Variants in LRRTM4 observed in about 807,000 individuals in gnomAD.
LRRTM4 encodes leucine-rich repeat transmembrane neuronal protein 4.
A neutral mutation model predicts 47.6 loss-of-function variants in LRRTM4; 25 were observed. The ratio of observed to expected loss-of-function variants is 0.53; its 90% CI spans 0.38 to 0.73. The LOEUF (loss-of-function observed/expected upper bound fraction) is 0.73. Among genes scored for constraint, LRRTM4 ranks in the 30% least tolerant of loss-of-function variants. LRRTM4 has a pLI of 0.00. For missense variants in LRRTM4, 638 were observed against 713.4 expected (o/e 0.89, Z 1.20); for synonymous variants, 311 against 269.5 (o/e 1.15, Z -1.51).
chr2:77,204,689 A>C (rs187877352), intron 3 of LRRTM4, among the ~76,000 whole-genome samples: 79 of 152,320 alleles, frequency 5.2e-4, no homozygotes, highest in Non-Finnish European at 1.0e-3. Context: ...TTCATTGTTA[A>C]AAAGTTTGAT....
intron 3 of LRRTM4, among the ~76,000 whole-genome samples, chr2:77,475,872 A>G (rs979188828): frequency 3.3e-5 from 5 of 151,758 alleles, no homozygotes; most frequent in Admixed American, 6.6e-5. Flanking sequence ...TTTCCCTCAG[A>G]TTGCCTGTTT....
At chr2:77,507,622 A>G (rs1481319621) in intron 3 of LRRTM4, among the ~76,000 whole-genome samples, 1 of 152,094 alleles carries the variant, frequency 6.6e-6, no homozygotes, top group Admixed American at 6.6e-5. Flanking sequence ...TCTAAGTAAC[A>G]TTTCTCAGAA....
intron 3 of LRRTM4, among the ~76,000 whole-genome samples, chr2:76,797,727 C>A (rs1437637747): frequency 6.6e-6 from 1 of 151,134 alleles, no homozygotes; most frequent in Non-Finnish European, 1.5e-5. Context: ...ACCCATCTCA[C>A]GTGCAGAGAC....
chr2:76,955,238 A>C (rs1675631309), intron 3 of LRRTM4, among the ~76,000 whole-genome samples: 1 of 151,832 alleles, frequency 6.6e-6, no homozygotes, highest in Non-Finnish European at 1.5e-5. Context: ...AGTAGGAGTT[A>C]ACAAAAAAGT....
intron 3 of LRRTM4, among the ~76,000 whole-genome samples, chr2:77,240,888 A>C (rs1390098656): frequency 6.6e-6 from 1 of 152,010 alleles, no homozygotes; most frequent in Admixed American, 6.6e-5. Flanking sequence ...ATAAAAAACA[A>C]TAATGAAAAG....
chr2:77,179,501 C>T (rs1006919536), intron 3 of LRRTM4, among the ~76,000 whole-genome samples: 11 of 152,194 alleles, frequency 7.2e-5, no homozygotes, highest in African/African-American at 2.4e-4. Context: ...GACTGACAGG[C>T]ATTACATTGA....
intron 3 of LRRTM4, among the ~76,000 whole-genome samples, chr2:76,751,154 C>T (rs1231241283): frequency 6.6e-6 from 1 of 152,152 alleles, no homozygotes; most frequent in African/African-American, 2.4e-5. Context: ...ATTCAGATTA[C>T]AATTTATTTT....
intron 3 of LRRTM4, among the ~76,000 whole-genome samples, chr2:76,909,861 G>A (rs553557921): frequency 1.3e-5 from 2 of 152,286 alleles, no homozygotes; most frequent in Admixed American, 1.3e-4. Context: ...TGCTGGAGAG[G>A]ATGTGAAGAA....
intron 3 of LRRTM4, among the ~76,000 whole-genome samples, chr2:77,294,493 C>A (rs1355616203): frequency 1.3e-5 from 2 of 151,926 alleles, no homozygotes; most frequent in Non-Finnish European, 2.9e-5. Flanking sequence ...TGTGTTTGAC[C>A]AGATCTTGGA....
intron 3 of LRRTM4, among the ~76,000 whole-genome samples, chr2:77,154,489 A>G (rs999111991): frequency 3.9e-5 from 6 of 152,322 alleles, no homozygotes; most frequent in Middle Eastern, 3.4e-3. Context: ...AGGCATGGAC[A>G]TAGGAAAATG....
chr2:77,006,008 G>A lies in LRRTM4; in HGVS notation c.1552-257092C>T, dbSNP rs116624607. On this transcript the variant is annotated intron_variant, in intron 3 of 3. Coordinates refer to ENST00000409884, the MANE Select transcript of LRRTM4 (RefSeq NM_001134745.3). ...ATCACATAGCAAATAGAAGAGTCAG[G>A]ATTTAAACTCAAATCTGGGTAATCT... Among the ~76,000 whole-genome samples the A allele has an allele frequency of 8.3e-3, 1,265 of 152,230 alleles. 17 individuals carry two copies. Among genetic ancestry groups the A allele is most frequent in the Non-Finnish European group, 0.011 (732 of 68,016 alleles).
At chr2:77,237,161 T>G (rs562559735) in intron 3 of LRRTM4, among the ~76,000 whole-genome samples, 1 of 109,278 alleles carries the variant, frequency 9.2e-6, no homozygotes, top group South Asian at 3.6e-4. Flanking sequence ...TTCATCTTGT[T>G]GGGGGATTTT....
intron 3 of LRRTM4, among the ~76,000 whole-genome samples, chr2:77,275,372 CATAA>C (rs145232897): frequency 0.18 from 26,618 of 151,942 alleles, 2,590 homozygotes; most frequent in East Asian, 0.47. Flanking sequence ...ATTAGTGCTA[CATAA>C]ATACTTACTG....
chr2:76,763,207 C>A (rs1480326577), intron 3 of LRRTM4, among the ~76,000 whole-genome samples: 1 of 152,192 alleles, frequency 6.6e-6, no homozygotes, highest in Non-Finnish European at 1.5e-5. Flanking sequence ...TACCCTTTGT[C>A]TAGTTAGTGG....
chr2:77,020,046 C>T lies in LRRTM4; in HGVS notation c.1552-271130G>A, dbSNP rs538709308. 3.5e-4 allele frequency among the ~76,000 whole-genome samples: 53 copies of T among 152,070 alleles called. No homozygotes were observed. In the South Asian group the frequency reaches 8.3e-3, roughly 24 times the overall value. Reference sequence around the variant, plus strand: ...GGTTACTTGGAAAACATAAAATATACTTAATGAACTTATGAATCTAAGGAT... The same window carrying T: ...GGTTACTTGGAAAACATAAAATATATTTAATGAACTTATGAATCTAAGGAT... On this transcript the variant is annotated intron_variant, in intron 3 of 3. Transcript: ENST00000409884.
chr2:77,141,499 A>G (rs1672121967), intron 3 of LRRTM4, among the ~76,000 whole-genome samples: 1 of 152,038 alleles, frequency 6.6e-6, no homozygotes. Flanking sequence ...GAGGGATAGC[A>G]TTAGCAGATA....
intron 3 of LRRTM4, among the ~76,000 whole-genome samples, chr2:77,272,252 T>C (rs1011049099): frequency 7.2e-5 from 11 of 152,194 alleles, no homozygotes; most frequent in African/African-American, 2.7e-4. Flanking sequence ...AGCCATTTTT[T>C]AGTGGATGGC....
intron 3 of LRRTM4, among the ~76,000 whole-genome samples, chr2:76,925,232 C>T (rs975146993): frequency 1.3e-5 from 2 of 152,134 alleles, no homozygotes; most frequent in African/African-American, 4.8e-5. Context: ...GAGATGCTTT[C>T]CTACTCTTCA....
intron 3 of LRRTM4, among the ~76,000 whole-genome samples, chr2:77,504,999 A>G (rs1192985213): frequency 6.6e-6 from 1 of 151,364 alleles, no homozygotes; most frequent in Non-Finnish European, 1.5e-5. Flanking sequence ...AACAATTTCT[A>G]TATTATTTTA....
Sources: gnomAD v4.1 joint callset for allele counts (sites outside exome capture counted in the v4.1 genomes callset) on GRCh38, gnomAD v4.1.1 for gene constraint, MANE v1.5 for transcripts, NCBI Gene and HGNC (gene_info 2026-07-23, HGNC 2026-07-21) for gene names.